TBC1D22A: variants seen among roughly 807,000 people sequenced by gnomAD.
TBC1D22A encodes TBC1 domain family member 22A, also known as putative GTPase activator.
TBC1D22A carries 38 observed loss-of-function variants against 60.2 expected under a neutral mutation model. The ratio of observed to expected loss-of-function variants is 0.63; its 90% confidence interval spans 0.49 to 0.83. TBC1D22A has a LOEUF of 0.83. TBC1D22A is among the 40% of genes least tolerant of loss of function. The pLI, the probability that TBC1D22A is intolerant of heterozygous loss-of-function variation, is 0.00. For missense variants in TBC1D22A, 628 were observed against 701.0 expected, an observed-to-expected ratio of 0.90 and a Z score of 1.18; for synonymous variants, 302 against 281.7, an observed-to-expected ratio of 1.07 and a Z score of -0.72.
rs577703609 is a variant in TBC1D22A at position 47,131,385 on chromosome 22, A to G, written c.1425+19782A>G. Among the ~76,000 whole-genome samples, 6 of 152,352 alleles carry G rather than the reference A, an allele frequency of 3.9e-5. No homozygotes were observed. In the East Asian group the frequency reaches 9.6e-4, roughly 24 times the overall value. On this transcript the variant is annotated intron_variant, in intron 12 of 12. Coordinates refer to ENST00000337137, the MANE Select transcript of TBC1D22A (RefSeq NM_014346.5). ...ATGGTGAACCTGCCTGCTCTGCTGC[A>G]GAAACCAAGCTCGTTAATCGGCCAG...
At chr22:47,002,361 T>C (rs2061434169) in intron 10 of TBC1D22A, among the ~76,000 whole-genome samples, 1 of 152,260 alleles carries the variant, frequency 6.6e-6, no homozygotes, top group Non-Finnish European at 1.5e-5. Context: ...AGGAGTGGGC[T>C]TCAGCCCTAG....
intron 11 of TBC1D22A, among the ~76,000 whole-genome samples, chr22:47,044,620 G>T (rs892023903): frequency 2.0e-5 from 3 of 152,180 alleles, no homozygotes; most frequent in Non-Finnish European, 4.4e-5. Context: ...ATTTGAGGTC[G>T]TAAGCTTTCC....
intron 12 of TBC1D22A, among the ~76,000 whole-genome samples, chr22:47,134,411 C>T (rs4823595): frequency 0.35 from 52,836 of 151,990 alleles, 9,535 homozygotes; most frequent in East Asian, 0.61. Context: ...GGAAGGAAGG[C>T]GGGTTCTGCT....
At chr22:46,783,364 C>T (rs1404066572) in intron 1 of TBC1D22A, among the ~76,000 whole-genome samples, 1 of 152,228 alleles carries the variant, frequency 6.6e-6, no homozygotes, top group African/African-American at 2.4e-5. Flanking sequence ...ACGCACACCT[C>T]ACCTTCACAG....
At chr22:46,954,344 A>G (rs2073076645) in intron 8 of TBC1D22A, among the ~76,000 whole-genome samples, 1 of 152,260 alleles carries the variant, frequency 6.6e-6, no homozygotes, top group African/African-American at 2.4e-5. Context: ...GTATGTGAGT[A>G]CTGCGGTCAA....
intron 5 of TBC1D22A, among the ~76,000 whole-genome samples, chr22:46,883,069 A>G (rs528957843): frequency 1.4e-4 from 21 of 152,394 alleles, no homozygotes; most frequent in African/African-American, 5.0e-4. Context: ...AATTACTGCT[A>G]TACAGAATCA....
chr22:46,853,221 A>G (rs1418930680), intron 4 of TBC1D22A, among the ~76,000 whole-genome samples: 1 of 151,824 alleles, frequency 6.6e-6, no homozygotes, highest in Admixed American at 6.6e-5. Context: ...CCATCCTTTC[A>G]TGCTCCATCA....
intron 11 of TBC1D22A, among the ~76,000 whole-genome samples, chr22:47,097,596 G>A (rs1380559291): frequency 6.6e-6 from 1 of 151,650 alleles, no homozygotes; most frequent in African/African-American, 2.4e-5. Flanking sequence ...GGGCGAGAGA[G>A]CAAGAGTCCA....
chr22:47,061,995 G>A (rs1827853994), intron 11 of TBC1D22A, among the ~76,000 whole-genome samples: 1 of 147,234 alleles, frequency 6.8e-6, no homozygotes, highest in African/African-American at 2.5e-5. Context: ...GGCTGAGGCA[G>A]GAGGATTGCT....
chr22:47,161,052 C>G (rs1292413738), intron 12 of TBC1D22A, among the ~76,000 whole-genome samples: 1 of 152,234 alleles, frequency 6.6e-6, no homozygotes, highest in African/African-American at 2.4e-5. Flanking sequence ...ACAGCACATG[C>G]TGGTCAGGCC....
intron 4 of TBC1D22A, among the ~76,000 whole-genome samples, chr22:46,829,011 A>T (rs1381621438): frequency 2.0e-5 from 3 of 152,032 alleles, no homozygotes; most frequent in Non-Finnish European, 4.4e-5. Flanking sequence ...CACACTCTCC[A>T]ATGTCACAGG....
chr22:46,978,148 G>A (rs1333541824), intron 9 of TBC1D22A, among the ~76,000 whole-genome samples: 1 of 152,228 alleles, frequency 6.6e-6, no homozygotes, highest in African/African-American at 2.4e-5. Flanking sequence ...AGCCAGTCCT[G>A]CTCAGGGAGA....
chr22:46,778,209 G>A (rs1437495216), intron 1 of TBC1D22A, among the ~76,000 whole-genome samples: 1 of 152,062 alleles, frequency 6.6e-6, no homozygotes, highest in Non-Finnish European at 1.5e-5. Context: ...TGTGCATCGT[G>A]TAGATGTCAT....
At chr22:47,125,413 A>G (rs956036337) in intron 12 of TBC1D22A, among the ~76,000 whole-genome samples, 2 of 152,214 alleles carry the variant, frequency 1.3e-5, no homozygotes, top group African/African-American at 4.8e-5. Context: ...TAGTCCTCAC[A>G]CGGTGACACC....
chr22:47,158,473 C>A (rs972592564), intron 12 of TBC1D22A, among the ~76,000 whole-genome samples: 1 of 152,166 alleles, frequency 6.6e-6, no homozygotes, highest in East Asian at 1.9e-4. Context: ...GGGGCAGTTC[C>A]CCCCCCAATC....
Position 46,974,388 on chromosome 22 carries a change from G to T in TBC1D22A, c.1114G>T (p.Asp372Tyr). Residue 372 changes from aspartate to tyrosine, a missense_variant, in exon 9 of 13, where the codon GAT becomes TAT. Asp to Tyr is a radical substitution (Grantham distance 160). Transcript: ENST00000337137. ...DTYWCMSKLLDGIQDNYTFAQ... is the reference protein window; with the variant it reads ...DTYWCMSKLLYGIQDNYTFAQ... ...CTACTGGTGCATGAGCAAGCTGCTGGATGGCATTCAGGTGAGCGCCCGCGC... is the reference window on the plus strand; with the variant it reads ...CTACTGGTGCATGAGCAAGCTGCTGTATGGCATTCAGGTGAGCGCCCGCGC... 2 of 1,610,990 alleles carry T rather than the reference G, an allele frequency of 1.2e-6. No homozygotes were observed. The highest frequency in any genetic ancestry group is 1.7e-6 in the Non-Finnish European group (2 of 1,178,852).
Position 46,762,841 on chromosome 22 carries a change from C to T in TBC1D22A, c.55C>T (p.Pro19Ser). The T allele has an allele frequency of 6.8e-7, 1 of 1,464,604 alleles. No individual in the cohort carries two copies. The highest frequency in any genetic ancestry group is 9.0e-7 in the Non-Finnish European group (1 of 1,114,746). 90.7% of individuals were successfully genotyped at this position (1,464,604 alleles called of 1,614,324 possible). Residue 19 changes from proline (P) to serine (S), a missense_variant, in exon 1 of 13, where the codon CCG (proline) becomes TCG (serine). Coordinates refer to ENST00000337137, the MANE Select transcript of TBC1D22A (RefSeq NM_014346.5). ...CTGGAAGCGCAGCAACAGCAAGCTC[C>T]CGGGCAGGTGGGTGTGCCGCGGAGG... ...QFWKRSNSKL[P>S]GSIQHVYGAQ...
rs369878423 is a variant in TBC1D22A, at chr22:46,904,630, G to A, written c.901-7444G>A. Among the ~76,000 whole-genome samples the A allele has an allele frequency of 1.4e-4, 22 of 151,836 alleles. 1 individual carries two copies. The highest frequency in any genetic ancestry group is 2.9e-4 in the Non-Finnish European group (20 of 67,958). ...ATTACAGGCGCCCGCCACCACGCCCGGCTAATTTTGTATTTTTAGTAGAGA... is the reference window on the plus strand; with the variant it reads ...ATTACAGGCGCCCGCCACCACGCCCAGCTAATTTTGTATTTTTAGTAGAGA... On this transcript the variant is annotated intron_variant, in intron 7 of 12. Transcript: ENST00000337137.
chr22:46,969,815 G>A (rs1056289732), intron 8 of TBC1D22A, among the ~76,000 whole-genome samples: 4 of 152,188 alleles, frequency 2.6e-5, no homozygotes, highest in Non-Finnish European at 4.4e-5. Flanking sequence ...CTGATGTAGG[G>A]GAAGAAAGGG....
Sources: gnomAD v4.1 joint callset for allele counts (sites outside exome capture counted in the v4.1 genomes callset) on GRCh38, gnomAD v4.1.1 for gene constraint, MANE v1.5 for transcripts, NCBI Gene and HGNC (gene_info 2026-07-23, HGNC 2026-07-21) for gene names.